LARGE1: variants seen among roughly 807,000 people sequenced by gnomAD.
LARGE1 encodes the protein LARGE xylosyl- and glucuronyltransferase 1.
A neutral mutation model predicts 87.6 loss-of-function variants in LARGE1; 43 were observed. The observed-to-expected ratio is 0.49, with a 90% confidence interval of 0.38 to 0.63. The LOEUF is 0.63. Among genes scored for constraint, LARGE1 ranks in the 30% least tolerant of loss-of-function variants. The pLI is 0.00. For synonymous variants in LARGE1, 434 were observed against 394.6 expected (o/e 1.10, Z -1.18); for missense variants, 802 against 1,000.2 (o/e 0.80, Z 2.67).
chr22:33,073,105 T>C, the LARGE1 span, among the ~76,000 whole-genome samples: 1 of 152,190 alleles, frequency 6.6e-6, no homozygotes, highest in Non-Finnish European at 1.5e-5. Flanking sequence ...TGTTGACCGA[T>C]TTTCTTCCCC....
At chr22:33,734,610 T>C (rs1004200354) in intron 2 of LARGE1, among the ~76,000 whole-genome samples, 5 of 152,174 alleles carry the variant, frequency 3.3e-5, no homozygotes, top group Admixed American at 3.3e-4. Flanking sequence ...TTGTTTCTCT[T>C]TGTCCTGGGA....
chr22:33,493,080 C>T (rs1296132290), intron 6 of LARGE1, among the ~76,000 whole-genome samples: 8 of 151,210 alleles, frequency 5.3e-5, no homozygotes, highest in African/African-American at 1.7e-4. Context: ...GCACATAACT[C>T]GAGGGTCCTC....
chr22:33,462,957 T>A (rs1175124304), intron 6 of LARGE1, among the ~76,000 whole-genome samples: 1 of 152,218 alleles, frequency 6.6e-6, no homozygotes, highest in Non-Finnish European at 1.5e-5. Flanking sequence ...GTGAAGATAT[T>A]AATTTCAGAC....
intron 3 of LARGE1, among the ~76,000 whole-genome samples, chr22:33,638,456 G>C (rs1204538850): frequency 6.8e-6 from 1 of 146,662 alleles, no homozygotes; most frequent in East Asian, 1.9e-4. Flanking sequence ...CAAGGTGAAA[G>C]ATGATCCCCA....
At chr22:33,771,535 C>T (rs1405711514) in intron 1 of LARGE1, among the ~76,000 whole-genome samples, 2 of 152,154 alleles carry the variant, frequency 1.3e-5, no homozygotes, top group African/African-American at 2.4e-5. Flanking sequence ...CCTCTTCCTT[C>T]CTGAATGATA....
At chr22:33,447,736 TG>T (rs1198785035) in intron 6 of LARGE1, among the ~76,000 whole-genome samples, 2 of 152,086 alleles carry the variant, frequency 1.3e-5, no homozygotes, top group African/African-American at 4.8e-5. Flanking sequence ...CGGGAGCAGG[TG>T]GGCTGCACCA....
At chr22:33,878,695 C>T (rs979473465) in intron 1 of LARGE1, among the ~76,000 whole-genome samples, 6 of 152,164 alleles carry the variant, frequency 3.9e-5, no homozygotes, top group African/African-American at 1.4e-4. Flanking sequence ...CTTCCTGGTG[C>T]TCAACACTCA....
chr22:33,068,195 G>A, the LARGE1 span, among the ~76,000 whole-genome samples: 1 of 152,108 alleles, frequency 6.6e-6, no homozygotes, highest in Non-Finnish European at 1.5e-5. Context: ...TGTGATTTTT[G>A]TGATTGGGTC....
intron 10 of LARGE1, among the ~76,000 whole-genome samples, chr22:33,318,113 C>T (rs1457891928): frequency 1.3e-5 from 2 of 151,686 alleles, no homozygotes; most frequent in Non-Finnish European, 2.9e-5. Flanking sequence ...GCGGGCATCT[C>T]TAATCCCAGC....
chr22:33,762,213 CAAAAAAAAAAA>C (rs56832457), intron 1 of LARGE1, among the ~76,000 whole-genome samples: 4,453 of 84,606 alleles, frequency 0.053, 137 homozygotes, highest in African/African-American at 0.096. Context: ...GATTCTATCT[CAAAAAAAAAAA>C]AAAAAAAAAA....
intron 6 of LARGE1, among the ~76,000 whole-genome samples, chr22:33,502,249 G>A (rs914271551): frequency 6.6e-6 from 1 of 151,856 alleles, no homozygotes; most frequent in East Asian, 1.9e-4. Context: ...ACACTCCCCA[G>A]GCAGTGACAG....
intron 11 of LARGE1, among the ~76,000 whole-genome samples, chr22:33,248,385 T>A (rs1001257583): frequency 6.6e-6 from 1 of 151,734 alleles, no homozygotes; most frequent in African/African-American, 2.4e-5. Context: ...AGAGAGGGGG[T>A]TTCACCATCT....
At chr22:33,067,440 ATAAT>A in the LARGE1 span, among the ~76,000 whole-genome samples, 3 of 152,298 alleles carry the variant, frequency 2.0e-5, no homozygotes, top group East Asian at 1.9e-4. Flanking sequence ...AATGATAGTA[ATAAT>A]TAATAATAAT....
chr22:33,364,376 C>T (rs572833103), intron 9 of LARGE1, among the ~76,000 whole-genome samples: 4 of 151,998 alleles, frequency 2.6e-5, no homozygotes, highest in Middle Eastern at 3.2e-3. Context: ...TCTTTTTCTC[C>T]GCTTCCTCCC....
chr22:33,187,734 C>G (rs912591000), intron 11 of LARGE1, among the ~76,000 whole-genome samples: 1 of 151,558 alleles, frequency 6.6e-6, no homozygotes, highest in African/African-American at 2.4e-5. Context: ...CTGGCTAACA[C>G]AGTGAAATCC....
chr22:33,267,958 G>T (rs968335785), downstream of LARGE1, among the ~76,000 whole-genome samples: 7 of 142,680 alleles, frequency 4.9e-5, no homozygotes, highest in Non-Finnish European at 3.0e-5. Context: ...CAAAATTCAA[G>T]AATTTTTTTT....
intron 5 of LARGE1, among the ~76,000 whole-genome samples, chr22:33,567,493 T>A (rs1010850854): frequency 6.6e-5 from 10 of 152,184 alleles, no homozygotes; most frequent in Admixed American, 3.3e-4. Flanking sequence ...GGTGGTAGAT[T>A]CAGGCATGCC....
Position 33,169,782 on chromosome 22 carries a change from C to T in LARGE1, c.1731-2950G>A, listed in dbSNP as rs150137398. Among the ~76,000 whole-genome samples the T allele has an allele frequency of 7.9e-3, 1,192 of 151,226 alleles. 17 individuals carry two copies. Among genetic ancestry groups the T allele is most frequent in the African/African-American group, 0.027 (1,127 of 41,150 alleles). The stretch of plus-strand genomic sequence containing the variant: ...AGGAGAATTGCTTGAACCTGGGAGG[C>T]GGAGGTTGCAGTGAGCCAAGATCTT... On this transcript the variant is annotated intron_variant, in intron 11 of 11. Transcript: ENST00000608642.
intron 1 of LARGE1, among the ~76,000 whole-genome samples, chr22:33,803,455 G>T (rs576797031): frequency 1.3e-5 from 2 of 152,304 alleles, no homozygotes; most frequent in African/African-American, 4.8e-5. Context: ...TCCGTAAGAT[G>T]ATATGACTGG....
Sources: gnomAD v4.1 joint callset for allele counts (sites outside exome capture counted in the v4.1 genomes callset) on GRCh38, gnomAD v4.1.1 for gene constraint, MANE v1.5 for transcripts, NCBI Gene and HGNC (gene_info 2026-07-23, HGNC 2026-07-21) for gene names.